CLEC6A: variants seen among roughly 807,000 people sequenced by gnomAD.
The protein encoded by CLEC6A is C-type lectin domain family 6 member A.
A neutral mutation model predicts 25.7 loss-of-function variants in CLEC6A; 22 were observed. That is an observed-to-expected ratio of 0.85 (90% CI 0.61 to 1.22). The LOEUF is 1.22. Ranked by LOEUF, CLEC6A falls within the 50% of genes most tolerant of loss-of-function variation. CLEC6A has a pLI of 0.00. For missense variants in CLEC6A, 240 were observed against 236.8 expected (o/e 1.01, Z -0.09); for synonymous variants, 92 against 76.7 (o/e 1.20, Z -1.04).
At chr12:8,460,572 A>AG (rs1939739462) in intron 3 of CLEC6A, 14 of 932,798 alleles carry the variant, frequency 1.5e-5, no homozygotes, top group Non-Finnish European at 2.4e-5. Context: ...TTCATGGAAA[A>AG]GGGGAAGAGC....
chr12:8,469,425 A>G (rs1247082830), intron 4 of CLEC6A, among the ~76,000 whole-genome samples: 1 of 147,786 alleles, frequency 6.8e-6, no homozygotes, highest in East Asian at 2.0e-4. Flanking sequence ...TCAGAACTAG[A>G]AAAAAAAAAC....
rs1159082754 is a variant in CLEC6A at position 8,461,369 on chromosome 12, A to T, written c.223+1671A>T. On this transcript the variant is annotated intron_variant, in intron 3 of 5. Transcript: ENST00000382073. ...CACCTATGTGGAACACTGTTTCAAC[A>T]ACTAGCATTTGAATGAATATTTTCC... The T allele has an allele frequency of 1.3e-5, 5 of 399,720 alleles. No individual in the cohort carries two copies. The East Asian group carries it at 2.4e-4, about 19-fold the overall frequency. The allele number at this position is 399,720 out of a possible 1,614,324, so 24.8% of individuals were successfully genotyped here. A position where few individuals can be genotyped will look rare whatever the true frequency, so the allele number is the denominator to read the frequency against.
intron 3 of CLEC6A, among the ~76,000 whole-genome samples, chr12:8,460,440 GA>G (rs963052121): frequency 6.6e-6 from 1 of 152,162 alleles, no homozygotes; most frequent in Non-Finnish European, 1.5e-5. Flanking sequence ...CAGTAAGGGG[GA>G]AACCACCCCC....
At chr12:8,457,016 A>G (rs1305140754) in intron 1 of CLEC6A, among the ~76,000 whole-genome samples, 1 of 152,058 alleles carries the variant, frequency 6.6e-6, no homozygotes, top group Non-Finnish European at 1.5e-5. Flanking sequence ...AGGCTGAGGC[A>G]GGAGAATCAC....
intron 3 of CLEC6A, chr12:8,461,112 A>T: frequency 1.3e-6 from 2 of 1,594,662 alleles, no homozygotes; most frequent in Non-Finnish European, 1.7e-6. Flanking sequence ...GTGGGCTGAC[A>T]TCTGCAGGCT....
At chr12:8,469,671 C>T (rs61922368) in intron 4 of CLEC6A, among the ~76,000 whole-genome samples, 3,176 of 152,106 alleles carry the variant, frequency 0.021, 55 homozygotes, top group South Asian at 0.077. Context: ...CAAACAAAAA[C>T]GTAAAGTGGG....
intron 4 of CLEC6A, among the ~76,000 whole-genome samples, chr12:8,473,590 C>T (rs969840529): frequency 2.6e-5 from 4 of 152,012 alleles, no homozygotes; most frequent in Admixed American, 1.3e-4. Context: ...GGATATATAC[C>T]TAGTAATGGG....
At chr12:8,466,199 A>G (rs1939826934) in intron 4 of CLEC6A, among the ~76,000 whole-genome samples, 1 of 152,210 alleles carries the variant, frequency 6.6e-6, no homozygotes, top group South Asian at 2.1e-4. Flanking sequence ...GCTAATTAAT[A>G]TATCTATTAC....
chr12:8,456,765 G>T (rs1939681187), intron 1 of CLEC6A, among the ~76,000 whole-genome samples: 2 of 152,044 alleles, frequency 1.3e-5, no homozygotes, highest in South Asian at 4.1e-4. Flanking sequence ...TCATGTCTTT[G>T]TGTTTGGAAC....
chr12:8,461,647 C>T (rs904516484), intron 3 of CLEC6A, among the ~76,000 whole-genome samples: 3 of 152,180 alleles, frequency 2.0e-5, no homozygotes, highest in Non-Finnish European at 4.4e-5. Context: ...CCAATTTTAA[C>T]AACATCCTTT....
chr12:8,471,067 T>C (rs778202904), intron 4 of CLEC6A, among the ~76,000 whole-genome samples: 12 of 152,096 alleles, frequency 7.9e-5, no homozygotes, highest in Non-Finnish European at 1.5e-4. Flanking sequence ...TGGTTTTTGT[T>C]CTTAATTTTC....
chr12:8,467,661 G>A (rs1198211626), intron 4 of CLEC6A, among the ~76,000 whole-genome samples: 1 of 152,060 alleles, frequency 6.6e-6, no homozygotes, highest in East Asian at 1.9e-4. Context: ...GGTTATTTTG[G>A]CTATTAGGGA....
intron 3 of CLEC6A, 134 bp from the exon 4 acceptor site, chr12:8,465,350 G>A: frequency 1.3e-6 from 1 of 792,940 alleles, no homozygotes; most frequent in Non-Finnish European, 1.9e-6. Flanking sequence ...TCAATTCTAG[G>A]AACCCAAATT....
rs762732307 is a variant in CLEC6A, at chr12:8,476,173, C to T, written c.418C>T (p.Leu140Phe). Reference protein sequence around the residue: ...LNESFSYFLGLSDPQGNNNWQ... With the variant: ...LNESFSYFLGFSDPQGNNNWQ... The stretch of plus-strand genomic sequence containing the variant: ...TGAGTCATTTTCTTATTTTCTGGGG[C>T]TTTCAGACCCACAAGGTAATAATAA... The change falls in exon 5 of 6, where the codon CTT becomes TTT. Residue 140 changes from leucine to phenylalanine, a missense_variant. By Grantham distance (22) the Leu-to-Phe change is conservative. Transcript: ENST00000382073. 2 of 1,610,286 alleles carry T rather than the reference C, an allele frequency of 1.2e-6. No individual in the cohort carries two copies. The highest frequency in any genetic ancestry group is 1.3e-5 in the African/African-American group (1 of 74,760).
At position 8,460,644 on chromosome 12, in the gene CLEC6A, G is replaced by T. The variant is rs756290209; in HGVS notation, c.223+946G>T. 3.0e-4 allele frequency: 439 copies of T among 1,474,162 alleles called. 4 individuals are homozygous for T. The South Asian group carries it at 4.6e-3, about 15-fold the overall frequency. The allele number at this position is 1,474,162 out of a possible 1,614,324, so 91.3% of individuals were successfully genotyped here. On this transcript the variant is annotated intron_variant, in intron 3 of 5. Coordinates refer to ENST00000382073, the MANE Select transcript of CLEC6A (RefSeq NM_001007033.2). Reference sequence around the variant, plus strand: ...TGGGTGCATACAAGTATATCCAGGAGCTATGGAGAAAGAAGCAGTCTGATG... The same window carrying T: ...TGGGTGCATACAAGTATATCCAGGATCTATGGAGAAAGAAGCAGTCTGATG...
chr12:8,466,739 T>C (rs995633094), intron 4 of CLEC6A, among the ~76,000 whole-genome samples: 2 of 151,336 alleles, frequency 1.3e-5, no homozygotes, highest in Non-Finnish European at 2.9e-5. Context: ...CACTGCAACA[T>C]CTGCCTCCCG....
At position 8,476,087 on chromosome 12, in the gene CLEC6A, T is replaced by C. The variant is rs376244774; in HGVS notation, c.370-38T>C. On this transcript the variant is annotated intron_variant, in intron 4 of 5. Transcript: ENST00000382073. ...ACCTTTACTCTGTTCAATCTGGAAA[T>C]ACCAAAGTCTTTGACTCCTTTTTTT... The C allele has an allele frequency of 1.8e-5, 24 of 1,342,816 alleles. No homozygotes were observed. The African/African-American group carries it at 3.3e-4, about 19-fold the overall frequency. 83.2% of individuals were successfully genotyped at this position (1,342,816 alleles called of 1,614,324 possible). A position where few individuals can be genotyped will look rare whatever the true frequency, so the allele number is the denominator to read the frequency against.
Position 8,476,120 on chromosome 12 carries a change from T to G in CLEC6A, c.370-5T>G. The G allele has an allele frequency of 1.3e-6, 2 of 1,588,562 alleles. No homozygotes were observed. Among genetic ancestry groups the G allele is most frequent in the Non-Finnish European group, 1.7e-6 (2 of 1,161,582 alleles). On this transcript the variant is annotated splice_region_variant and splice_polypyrimidine_tract_variant and intron_variant, in intron 4 of 5. Transcript: ENST00000382073. ...TCTTTGACTCCTTTTTTTTCCTTCATGCAGAATTTCATTGTCCAGCAGCTG... is the reference window on the plus strand; with the variant it reads ...TCTTTGACTCCTTTTTTTTCCTTCAGGCAGAATTTCATTGTCCAGCAGCTG...
At chr12:8,467,585 T>C (rs1939849256) in intron 4 of CLEC6A, among the ~76,000 whole-genome samples, 2 of 152,228 alleles carry the variant, frequency 1.3e-5, no homozygotes, top group African/African-American at 2.4e-5. Flanking sequence ...CTGCTTCGAT[T>C]ACTGTAGCTT....
Sources: allele counts gnomAD v4.1 joint callset (sites outside exome capture counted in the v4.1 genomes callset), GRCh38; gene constraint gnomAD v4.1.1; transcripts MANE v1.5; gene names NCBI Gene and HGNC (gene_info 2026-07-23, HGNC 2026-07-21).